The following CCNK variants were observed in gnomAD, a reference collection of about 807,000 sequenced individuals.
The protein encoded by CCNK is cyclin-K.
Under a neutral mutation model 65.0 loss-of-function variants are expected in CCNK, and 9 were observed. That is an observed-to-expected ratio of 0.14 (90% CI 0.08 to 0.24). CCNK has a LOEUF of 0.24. CCNK is among the 10% of genes least tolerant of loss of function. The pLI is 1.00. For missense variants in CCNK, 474 were observed against 720.0 expected, an observed-to-expected ratio of 0.66 and a Z score of 3.91; for synonymous variants, 279 against 270.8, an observed-to-expected ratio of 1.03 and a Z score of -0.30.
In CCNK at chr14:99,502,830, C is replaced by T. The variant is rs200034824; in HGVS notation, c.857C>T (p.Pro286Leu). ...TCTCTTCAGCCTACACCACAAGTGCCGCAAGTACAGCAGTCACAGCCGTCT... is the reference window on the plus strand; with the variant it reads ...TCTCTTCAGCCTACACCACAAGTGCTGCAAGTACAGCAGTCACAGCCGTCT... ...PPSLQPTPQV[P>L]QVQQSQPSQS... Residue 286 changes from proline (P) to leucine (L), a missense_variant, in exon 8 of 11, where the codon CCG (proline) becomes CTG (leucine). Physicochemically the swap from Pro to Leu is moderately conservative, Grantham distance 98. This residue lies in a region of CCNK where 229 missense variants were observed against 275.5 expected (regional missense o/e 0.83). Transcript: ENST00000389879. 1.0e-4 allele frequency: 163 copies of T among 1,613,686 alleles called. 1 individual carries two copies. The highest frequency in any genetic ancestry group is 1.8e-4 in the South Asian group (16 of 91,042).
intron 10 of CCNK, chr14:99,509,514 G>A (rs769323141): frequency 1.3e-5 from 2 of 152,500 alleles, no homozygotes; most frequent in African/African-American, 2.4e-5. Flanking sequence ...GCACACACAC[G>A]CAGCACGCAC....
chr14:99,482,974 T>C (rs944217786), intron 1 of CCNK, among the ~76,000 whole-genome samples: 6 of 152,062 alleles, frequency 3.9e-5, no homozygotes, highest in African/African-American at 1.2e-4. Flanking sequence ...GATTACAGAG[T>C]GATCATATTT....
intron 4 of CCNK, chr14:99,500,420 G>T: frequency 5.0e-6 from 1 of 198,606 alleles, no homozygotes; most frequent in Non-Finnish European, 1.0e-5. Flanking sequence ...AAAATTTGAG[G>T]TCTTGAAAGA....
intron 1 of CCNK, among the ~76,000 whole-genome samples, chr14:99,490,771 CA>C (rs1353155094): frequency 6.6e-6 from 1 of 151,750 alleles, no homozygotes; most frequent in Admixed American, 6.6e-5. Context: ...ACTAAAAATA[CA>C]AAAAAATTAG....
intron 9 of CCNK, chr14:99,506,655 T>G: frequency 6.0e-6 from 1 of 166,948 alleles, no homozygotes; most frequent in African/African-American, 2.4e-5. Flanking sequence ...AAGATAGAGA[T>G]TCTCTTGTGG....
intron 4 of CCNK, among the ~76,000 whole-genome samples, chr14:99,495,889 A>C (rs757354038): frequency 6.6e-6 from 1 of 152,216 alleles, no homozygotes; most frequent in Non-Finnish European, 1.5e-5. Flanking sequence ...GATATGAGCA[A>C]AAATCCTCTT....
chr14:99,502,129 T>C (rs566196761), intron 6 of CCNK, 78 bp from the exon 7 acceptor site: 1 of 1,419,612 alleles, frequency 7.0e-7, no homozygotes, highest in African/African-American at 1.4e-5. Flanking sequence ...TAATGGTTAG[T>C]TATGGCATCT....
At position 99,512,360 on chromosome 14, in the gene CCNK, A is replaced by G. The variant is rs1413076303; in HGVS notation, c.*1578A>G. On this transcript the variant is annotated 3_prime_UTR_variant, in exon 11 of 11. Coordinates refer to ENST00000389879, the MANE Select transcript of CCNK (RefSeq NM_001099402.2). ...CCAGTCCATCTCCAAAAAGCAGCAC[A>G]AATACTTTGCCCCACAGTATGAAAA... The G allele has an allele frequency of 2.0e-5, 3 of 152,074 alleles. No individual in the cohort carries two copies. Among genetic ancestry groups the G allele is most frequent in the Non-Finnish European group, 4.4e-5 (3 of 68,020 alleles). 9.4% of individuals were successfully genotyped at this position (152,074 alleles called of 1,614,324 possible).
At chr14:99,491,480 T>C (rs1896596724) in intron 1 of CCNK, among the ~76,000 whole-genome samples, 1 of 152,232 alleles carries the variant, frequency 6.6e-6, no homozygotes, top group Non-Finnish European at 1.5e-5. Flanking sequence ...GAACAGGTCA[T>C]ATTTTCTGAG....
At chr14:99,503,498 G>A (rs746019309) in intron 8 of CCNK, 113 bp from the exon 9 acceptor site, 9 of 846,968 alleles carry the variant, frequency 1.1e-5, no homozygotes, top group East Asian at 5.3e-5. Flanking sequence ...ATTTTTGTCC[G>A]AGGCTGTTCA....
chr14:99,483,504 C>G (rs1469187732), intron 1 of CCNK, among the ~76,000 whole-genome samples: 2 of 152,176 alleles, frequency 1.3e-5, no homozygotes, highest in African/African-American at 4.8e-5. Flanking sequence ...GAGCCGTGAT[C>G]GGGTGACTGC....
intron 2 of CCNK, chr14:99,493,204 A>G: frequency 2.4e-6 from 1 of 422,244 alleles, no homozygotes; most frequent in Non-Finnish European, 4.2e-6. Context: ...GGAGTTCGAG[A>G]CCAACCTGGG....
chr14:99,495,721 T>C, intron 4 of CCNK, 92 bp downstream of exon 4: 2 of 1,170,746 alleles, frequency 1.7e-6, no homozygotes, highest in East Asian at 2.7e-5. Context: ...GTAGCCCTTG[T>C]GTCTGCCAGT....
At chr14:99,503,108 C>T (rs1024052286) in intron 8 of CCNK, 124 bp downstream of exon 8, 3 of 1,089,994 alleles carry the variant, frequency 2.8e-6, no homozygotes, top group East Asian at 2.4e-5. Context: ...CGCCGAAACT[C>T]GCAGTCCGAC....
chr14:99,501,171 G>A (rs930963709), intron 5 of CCNK, 185 bp from the exon 6 acceptor site: 15 of 613,506 alleles, frequency 2.4e-5, no homozygotes, highest in Middle Eastern at 4.3e-4. Context: ...GTGGTTCAGC[G>A]TAGGTCATGA....
chr14:99,511,842 A>ACTT lies in CCNK; in HGVS notation c.*1063_*1065dup, dbSNP rs1311905648. ...GGGGCTTGGATTTGAAACCCTTTCC[A>ACTT]CTTCTGGCCTGTGATGAGACAGAGG... On this transcript the variant is annotated 3_prime_UTR_variant, in exon 11 of 11. Transcript: ENST00000389879. 6 of 152,510 alleles carry ACTT rather than the reference A, an allele frequency of 3.9e-5. No homozygotes were observed. The highest frequency in any genetic ancestry group is 7.3e-5 in the Non-Finnish European group (5 of 68,054). The allele number at this position is 152,510 out of a possible 1,614,324, so 9.4% of individuals were successfully genotyped here. A position where few individuals can be genotyped will look rare whatever the true frequency, so the allele number is the denominator to read the frequency against.
In CCNK at chr14:99,502,915, G is replaced by C. The variant is rs1379776671; in HGVS notation, c.942G>C (p.Gln314His). The C allele has an allele frequency of 9.9e-6, 16 of 1,613,632 alleles. No individual in the cohort carries two copies. The highest frequency in any genetic ancestry group is 9.3e-6 in the Non-Finnish European group (11 of 1,179,800). ...QKDPQQPAQQ[Q>H]QPAQQPKKPS... ...ACCCCCAGCAACCAGCCCAGCAGCA[G>C]CAGCCAGCCCAACAGCCCAAGAAAC... is the stretch of plus-strand genomic sequence containing the variant. Residue 314 changes from glutamine to histidine, a missense_variant, in exon 8 of 11, where the codon CAG becomes CAC. By Grantham distance (24) the Gln-to-His change is conservative (BLOSUM62 0). Coordinates refer to ENST00000389879, the MANE Select transcript of CCNK (RefSeq NM_001099402.2).
intron 4 of CCNK, among the ~76,000 whole-genome samples, 180 bp downstream of exon 4, chr14:99,495,809 A>G (rs1312547992): frequency 2.6e-5 from 4 of 152,162 alleles, no homozygotes; most frequent in Admixed American, 6.5e-5. Flanking sequence ...CGTGTAGCCT[A>G]CACTTACTCA....
chr14:99,496,367 G>C (rs1896700865), intron 4 of CCNK, among the ~76,000 whole-genome samples: 1 of 152,152 alleles, frequency 6.6e-6, no homozygotes, highest in Admixed American at 6.5e-5. Context: ...CTTGAGCCCA[G>C]GAATTCAAGA....
Sources: gnomAD v4.1 joint callset for allele counts (sites outside exome capture counted in the v4.1 genomes callset) on GRCh38, gnomAD v4.1.1 for gene constraint, gnomAD v4.1.1 regional missense constraint, MANE v1.5 for transcripts, NCBI Gene and HGNC (gene_info 2026-07-23, HGNC 2026-07-21) for gene names.